The following ZNF407 variants were observed in gnomAD, a reference collection of about 807,000 sequenced individuals.
The protein encoded by ZNF407 is zinc finger protein 407.
ZNF407 carries 17 observed loss-of-function variants against 131.2 expected under a neutral mutation model. The observed-to-expected ratio is 0.13, with a 90% CI of 0.09 to 0.19. ZNF407 has a LOEUF of 0.19. Ranked by LOEUF, ZNF407 falls within the 10% of genes least tolerant of loss-of-function variation. The pLI is 1.00. For missense variants in ZNF407, 2,681 were observed against 2,830.6 expected, an observed-to-expected ratio of 0.95 and a Z score of 1.20; for synonymous variants, 1,156 against 1,062.0, an observed-to-expected ratio of 1.09 and a Z score of -1.72.
At chr18:74,788,001 G>A (rs927510758) in intron 4 of ZNF407, among the ~76,000 whole-genome samples, 4 of 152,070 alleles carry the variant, frequency 2.6e-5, no homozygotes, top group African/African-American at 4.8e-5. Flanking sequence ...CTAACACTTC[G>A]TTAGCCTTTG....
chr18:74,818,000 T>C (rs1970290623), intron 4 of ZNF407, among the ~76,000 whole-genome samples: 1 of 152,234 alleles, frequency 6.6e-6, no homozygotes, highest in South Asian at 2.1e-4. Context: ...ATGTATTAGC[T>C]AAAAATTTCA....
intron 7 of ZNF407, among the ~76,000 whole-genome samples, chr18:74,919,717 A>G (rs1295855460): frequency 6.6e-6 from 1 of 152,202 alleles, no homozygotes; most frequent in African/African-American, 2.4e-5. Flanking sequence ...GTGTATTCAG[A>G]AAGAGTCTAG....
chr18:74,755,086 C>T (rs2144955020), intron 3 of ZNF407, among the ~76,000 whole-genome samples: 1 of 152,202 alleles, frequency 6.6e-6, no homozygotes, highest in Non-Finnish European at 1.5e-5. Context: ...TTGAATTGAT[C>T]CCTTTACCAT....
chr18:74,822,632 T>A lies in ZNF407; in HGVS notation c.4877+41130T>A, dbSNP rs569608638. 1.0e-3 allele frequency among the ~76,000 whole-genome samples: 154 copies of A among 152,306 alleles called. 1 individual carries two copies. Among genetic ancestry groups the A allele is most frequent in the Non-Finnish European group, 1.4e-3 (98 of 68,020 alleles). On this transcript the variant is annotated intron_variant, in intron 4 of 8. Transcript: ENST00000299687. The stretch of plus-strand genomic sequence containing the variant: ...CTGTTCCATTGGTCTATATCTCTGT[T>A]TTGGTACCAGTACCATGCTATTTTG...
At chr18:74,774,089 G>A (rs1364927063) in intron 3 of ZNF407, among the ~76,000 whole-genome samples, 1 of 152,140 alleles carries the variant, frequency 6.6e-6, no homozygotes, top group African/African-American at 2.4e-5. Flanking sequence ...CCAATTTTGG[G>A]AAAATTTGAG....
At chr18:75,001,477 G>C (rs1972844869) in intron 8 of ZNF407, among the ~76,000 whole-genome samples, 1 of 152,160 alleles carries the variant, frequency 6.6e-6, no homozygotes, top group Non-Finnish European at 1.5e-5. Context: ...TGGGCAAAGA[G>C]CACATTTTTA....
intron 2 of ZNF407, among the ~76,000 whole-genome samples, chr18:74,636,592 A>C (rs1984474349): frequency 6.6e-6 from 1 of 152,198 alleles, no homozygotes; most frequent in South Asian, 2.1e-4. Flanking sequence ...CTTTTAAATA[A>C]TGGCTTATTA....
intron 4 of ZNF407, among the ~76,000 whole-genome samples, chr18:74,812,483 C>G (rs1468966851): frequency 6.6e-6 from 1 of 152,242 alleles, no homozygotes; most frequent in East Asian, 1.9e-4. Context: ...AAGGTAACAT[C>G]TCTTTTTTCC....
chr18:74,836,416 T>C (rs1970560361), intron 4 of ZNF407, among the ~76,000 whole-genome samples: 1 of 152,260 alleles, frequency 6.6e-6, no homozygotes, highest in East Asian at 1.9e-4. Context: ...TTCCTTTGTT[T>C]GCAGGGAGCT....
intron 1 of ZNF407, among the ~76,000 whole-genome samples, chr18:74,606,934 T>A (rs1599123621): frequency 6.6e-6 from 1 of 152,198 alleles, no homozygotes; most frequent in African/African-American, 2.4e-5. Context: ...CTAGGGGTGG[T>A]CTTTTCACTT....
At chr18:74,643,893 T>C (rs1984840739) in intron 3 of ZNF407, among the ~76,000 whole-genome samples, 1 of 151,970 alleles carries the variant, frequency 6.6e-6, no homozygotes, top group East Asian at 1.9e-4. Flanking sequence ...AGTTTTAAGA[T>C]ACCATTACCC....
chr18:75,034,531 T>C (rs1973284348), intron 8 of ZNF407, among the ~76,000 whole-genome samples: 2 of 151,702 alleles, frequency 1.3e-5, no homozygotes, highest in Admixed American at 6.6e-5. Flanking sequence ...CTCGATCTCC[T>C]GACCTCGTGA....
chr18:74,859,354 G>A (rs1311198312), intron 4 of ZNF407, among the ~76,000 whole-genome samples: 1 of 152,180 alleles, frequency 6.6e-6, no homozygotes, highest in African/African-American at 2.4e-5. Flanking sequence ...TATAGTGTTA[G>A]GCAGTCAGAC....
At chr18:74,608,691 A>G (rs993836825) in intron 1 of ZNF407, among the ~76,000 whole-genome samples, 6 of 152,082 alleles carry the variant, frequency 3.9e-5, no homozygotes, top group African/African-American at 1.4e-4. Flanking sequence ...GATACTTTTG[A>G]AGAATACTGG....
At chr18:74,731,356 A>G (rs923862044) in intron 3 of ZNF407, among the ~76,000 whole-genome samples, 12 of 152,180 alleles carry the variant, frequency 7.9e-5, no homozygotes, top group Admixed American at 4.6e-4. Context: ...ATCTGATTCT[A>G]TGATCTGATA....
At chr18:74,642,717 T>C (rs762418499) in intron 3 of ZNF407, among the ~76,000 whole-genome samples, 1 of 152,106 alleles carries the variant, frequency 6.6e-6, no homozygotes, top group Non-Finnish European at 1.5e-5. Context: ...GTATGAGTAG[T>C]TCATATATTT....
chr18:74,686,397 G>T (rs1425910851), intron 3 of ZNF407, among the ~76,000 whole-genome samples: 1 of 152,064 alleles, frequency 6.6e-6, no homozygotes, highest in Non-Finnish European at 1.5e-5. Flanking sequence ...CCAGAATGAG[G>T]TTTTTATCCA....
At chr18:74,974,069 GTATA>G (rs776610898) in intron 8 of ZNF407, among the ~76,000 whole-genome samples, 1 of 152,138 alleles carries the variant, frequency 6.6e-6, no homozygotes, top group Non-Finnish European at 1.5e-5. Flanking sequence ...ATTTATCATA[GTATA>G]TATAAGTATT....
In ZNF407 at chr18:74,835,924, T is replaced by A. The variant is rs1225185213; in HGVS notation, c.4878-41273T>A. 5.3e-5 allele frequency among the ~76,000 whole-genome samples: 8 copies of A among 151,372 alleles called. No individual in the cohort carries two copies. The East Asian group carries it at 1.4e-3, about 26-fold the overall frequency. ...GCAAGCAAGGACCAGTAGCACCTGC[T>A]GCAGTTTAGTTACAGCTGAATGTAT... On this transcript the variant is annotated intron_variant, in intron 4 of 8. Coordinates refer to ENST00000299687, the MANE Select transcript of ZNF407 (RefSeq NM_017757.3).
Sources: gnomAD v4.1 joint callset for allele counts (sites outside exome capture counted in the v4.1 genomes callset) on GRCh38, gnomAD v4.1.1 for gene constraint, MANE v1.5 for transcripts, NCBI Gene and HGNC (gene_info 2026-07-23, HGNC 2026-07-21) for gene names.